WDR12: variants seen among roughly 807,000 people sequenced by gnomAD.
The protein encoded by WDR12 is ribosome biogenesis protein WDR12.
Under a neutral mutation model 64.3 loss-of-function variants are expected in WDR12, and 42 were observed. The ratio of observed to expected loss-of-function variants is 0.65; its 90% CI spans 0.51 to 0.84. WDR12 has a LOEUF of 0.84. Ranked by LOEUF, WDR12 falls within the 40% of genes least tolerant of loss-of-function variation. WDR12 has a pLI of 0.00. For missense variants in WDR12, 469 were observed against 494.6 expected, an observed-to-expected ratio of 0.95 and a Z score of 0.49; for synonymous variants, 158 against 173.3, an observed-to-expected ratio of 0.91 and a Z score of 0.70.
intron 7 of WDR12, 71 bp downstream of exon 7, chr2:202,894,510 C>T (rs1321670760): frequency 7.4e-7 from 1 of 1,358,760 alleles, no homozygotes; most frequent in Non-Finnish European, 1.0e-6. Context: ...GCGTAAGCCA[C>T]CATATAGCCT....
At chr2:202,897,918 TATATATAAAAA>T (rs1404957403) in intron 4 of WDR12, among the ~76,000 whole-genome samples, 76 of 125,632 alleles carry the variant, frequency 6.0e-4, no homozygotes, top group Non-Finnish European at 8.8e-4. Context: ...AATATATATA[TATATATAAAAA>T]ATATATATCA....
At chr2:202,892,568 T>C (rs766373267) in intron 8 of WDR12, 49 bp downstream of exon 8, 2 of 1,308,184 alleles carry the variant, frequency 1.5e-6, no homozygotes, top group South Asian at 1.3e-5. Context: ...ACCATCTATT[T>C]GTCAACACAG....
intron 4 of WDR12, 49 bp downstream of exon 4, chr2:202,899,482 G>A (rs758379696): frequency 6.7e-7 from 1 of 1,485,610 alleles, no homozygotes; most frequent in Non-Finnish European, 9.3e-7. Context: ...AAGACTGAAG[G>A]AGGTAAAAAC....
chr2:202,881,026 T>A, intron 12 of WDR12, 89 bp from the exon 13 acceptor site: 3 of 1,175,464 alleles, frequency 2.6e-6, no homozygotes, highest in Non-Finnish European at 2.3e-6. Context: ...ACTAATGATT[T>A]TCATTACAAA....
intron 4 of WDR12, among the ~76,000 whole-genome samples, chr2:202,898,214 G>A (rs959515686): frequency 1.5e-4 from 23 of 151,910 alleles, no homozygotes; most frequent in African/African-American, 5.3e-4. Flanking sequence ...GCAGTGGCGC[G>A]ATCTCAGCTC....
intron 2 of WDR12, among the ~76,000 whole-genome samples, chr2:202,905,882 G>A (rs139051966): frequency 1.3e-5 from 2 of 152,306 alleles, no homozygotes; most frequent in Admixed American, 6.5e-5. Context: ...AAGGGTAGTG[G>A]GGGAAGTGAG....
chr2:202,907,900 C>T lies in WDR12; in HGVS notation c.101G>A (p.Ser34Asn). ...CTTTAGTAGTTTATTGATGATGTTA[C>T]TAAGGTCGGCAATTTCAGAGGCAGC... ...IPAASEIADL[S>N]NIINKLLKDK... The change falls in exon 2 of 13, where the codon AGT (serine) becomes AAT (asparagine). Residue 34 changes from serine to asparagine, a missense_variant. Physicochemically the swap from Ser to Asn is conservative, Grantham distance 46. Transcript: ENST00000261015. 6.2e-7 allele frequency: 1 copy of T among 1,613,998 alleles called. No individual in the cohort carries two copies. The highest frequency in any genetic ancestry group is 8.5e-7 in the Non-Finnish European group (1 of 1,179,966).
At chr2:202,883,777 GA>G (rs757914331) in intron 10 of WDR12, 36 bp from the exon 11 acceptor site, 2 of 1,596,834 alleles carry the variant, frequency 1.3e-6, no homozygotes, top group Admixed American at 1.8e-5. Context: ...TTGAATTTTA[GA>G]AAAGGGAAGT....
At chr2:202,893,071 G>A (rs1688181634) in intron 7 of WDR12, among the ~76,000 whole-genome samples, 1 of 151,970 alleles carries the variant, frequency 6.6e-6, no homozygotes, top group African/African-American at 2.4e-5. Flanking sequence ...GAAGGATAAA[G>A]TAAACACATG....
rs376028911 is a variant in WDR12 at position 202,892,663 on chromosome 2, T to C, written c.695A>G (p.Asn232Ser). Residue 232 changes from asparagine (N) to serine (S), a missense_variant, in exon 8 of 13, where the codon AAT becomes AGT. Coordinates refer to ENST00000261015, the MANE Select transcript of WDR12 (RefSeq NM_018256.4). ...TGTCTTCTGTTTCTTTCTTGGTCGATTTGTGGACTCCTCCATTTCATCTTC... is the reference window on the plus strand; with the variant it reads ...TGTCTTCTGTTTCTTTCTTGGTCGACTTGTGGACTCCTCCATTTCATCTTC... Reference protein sequence around the residue: ...DEEDEMEESTNRPRKKQKTEQ... With the variant: ...DEEDEMEESTSRPRKKQKTEQ... 1.9e-6 allele frequency: 3 copies of C among 1,613,292 alleles called. No homozygotes were observed. Among genetic ancestry groups the C allele is most frequent in the East Asian group, 2.2e-5 (1 of 44,792 alleles).
intron 12 of WDR12, among the ~76,000 whole-genome samples, chr2:202,881,575 G>A (rs1242743977): frequency 6.6e-6 from 1 of 152,084 alleles, no homozygotes; most frequent in Non-Finnish European, 1.5e-5. Flanking sequence ...GAGGCCAGGA[G>A]TTCAAGACTA....
At chr2:202,911,368 A>G in intron 1 of WDR12, 68 bp downstream of exon 1, 1 of 1,491,570 alleles carries the variant, frequency 6.7e-7, no homozygotes, top group Non-Finnish European at 9.4e-7. Context: ...GGGATCCACA[A>G]GGTCATACCA....
Position 202,874,830 on chromosome 2 carries a change from A to C in WDR12, c.*6030T>G, listed in dbSNP as rs991863823. On this transcript the variant is annotated 3_prime_UTR_variant, in exon 13 of 13. Coordinates refer to ENST00000261015, the MANE Select transcript of WDR12 (RefSeq NM_018256.4). ...TTATTCAAGCAAAGCTAGAAACAGT[A>C]TTAGAATTAGACACAATTCTAGAAT... is the stretch of plus-strand genomic sequence containing the variant. The C allele has an allele frequency of 6.6e-6, 1 of 152,212 alleles. No homozygotes were observed. The highest frequency in any genetic ancestry group is 1.5e-5 in the Non-Finnish European group (1 of 68,040). 9.4% of individuals were successfully genotyped at this position (152,212 alleles called of 1,614,324 possible).
chr2:202,902,449 G>A (rs1365641898), intron 2 of WDR12, among the ~76,000 whole-genome samples: 1 of 152,200 alleles, frequency 6.6e-6, no homozygotes, highest in African/African-American at 2.4e-5. Flanking sequence ...CAGTGGAATG[G>A]AAGAGGCAGA....
chr2:202,882,417 C>T (rs776573260), intron 12 of WDR12, among the ~76,000 whole-genome samples: 9 of 152,178 alleles, frequency 5.9e-5, no homozygotes, highest in Non-Finnish European at 1.0e-4. Context: ...CAAGCTCCGC[C>T]TCCTTGGATC....
rs1242977519 is a variant in WDR12, at chr2:202,882,861, C to T, written c.1122-78G>A. The T allele has an allele frequency of 3.4e-6, 5 of 1,472,404 alleles. No individual in the cohort carries two copies. The East Asian group carries it at 1.1e-4, about 34-fold the overall frequency. The allele number at this position is 1,472,404 out of a possible 1,614,324, so 91.2% of individuals were successfully genotyped here. ...CATTTGAATAATCACTTATACTTATCTGAAAACTTTACAGGGTTTACCAAC... is the reference window on the plus strand; with the variant it reads ...CATTTGAATAATCACTTATACTTATTTGAAAACTTTACAGGGTTTACCAAC... On this transcript the variant is annotated intron_variant, in intron 11 of 12. Coordinates refer to ENST00000261015, the MANE Select transcript of WDR12 (RefSeq NM_018256.4).
chr2:202,888,104 G>A (rs1688083809), intron 8 of WDR12, among the ~76,000 whole-genome samples: 1 of 152,174 alleles, frequency 6.6e-6, no homozygotes, highest in African/African-American at 2.4e-5. Context: ...TAAACCAACT[G>A]TGGCATATCC....
rs1466648679 is a variant in WDR12, at chr2:202,878,114, C to G, written c.*2746G>C. On this transcript the variant is annotated 3_prime_UTR_variant, in exon 13 of 13. Transcript: ENST00000261015. ...ACTTGGTCACTTACATTATATCTAT[C>G]TCAAGGAAGAATGCCTGAACTATGA... 6.6e-6 allele frequency: 1 copy of G among 152,170 alleles called. No homozygotes were observed. The highest frequency in any genetic ancestry group is 2.4e-5 in the African/African-American group (1 of 41,406). The allele number at this position is 152,170 out of a possible 1,614,324, so 9.4% of individuals were successfully genotyped here.
rs776063250 is a variant in WDR12 at position 202,894,574 on chromosome 2, A to G, written c.655+7T>C. On this transcript the variant is annotated splice_region_variant and intron_variant, in intron 7 of 12. Coordinates refer to ENST00000261015, the MANE Select transcript of WDR12 (RefSeq NM_018256.4). ...TTAAGTCAAGGTAAAATAAATATTT[A>G]ATTTACCTGTAGACCAGATCTTTAG... 1 of 1,597,446 alleles carries G rather than the reference A, an allele frequency of 6.3e-7. No homozygotes were observed. The highest frequency in any genetic ancestry group is 1.1e-5 in the South Asian group (1 of 87,970).
Sources: allele counts gnomAD v4.1 joint callset (sites outside exome capture counted in the v4.1 genomes callset), GRCh38; gene constraint gnomAD v4.1.1; transcripts MANE v1.5; gene names NCBI Gene and HGNC (gene_info 2026-07-23, HGNC 2026-07-21).